The following CLEC16A variants were observed in gnomAD, a reference collection of about 807,000 sequenced individuals.
CLEC16A encodes the protein C-type lectin domain containing 16A.
A neutral mutation model predicts 109.5 loss-of-function variants in CLEC16A; 51 were observed. That is an observed-to-expected ratio of 0.47 (90% CI 0.37 to 0.59). The LOEUF is 0.59. Among genes scored for constraint, CLEC16A ranks in the 20% least tolerant of loss-of-function variants. CLEC16A has a pLI of 0.00. For missense variants in CLEC16A, 1,339 were observed against 1,394.0 expected (o/e 0.96, Z 0.63); for synonymous variants, 673 against 564.2 (o/e 1.19, Z -2.73).
At chr16:11,158,932 A>C (rs982061957) in intron 22 of CLEC16A, among the ~76,000 whole-genome samples, 10 of 152,090 alleles carry the variant, frequency 6.6e-5, no homozygotes, top group Non-Finnish European at 1.5e-4. Flanking sequence ...GGAAAAAAAA[A>C]AAACAGAGGC....
chr16:11,126,904 A>C (rs978635020), intron 22 of CLEC16A: 5 of 152,236 alleles, frequency 3.3e-5, no homozygotes, highest in African/African-American at 1.2e-4. Flanking sequence ...AAGTGTTGTG[A>C]AATGTTTTCA....
At position 10,946,640 on chromosome 16, in the gene CLEC16A, G is replaced by A. The variant is rs577517722; in HGVS notation, c.80+1843G>A. Among the ~76,000 whole-genome samples the A allele has an allele frequency of 2.8e-4, 42 of 152,192 alleles. No homozygotes were observed. In the South Asian group the frequency reaches 3.7e-3, roughly 14 times the overall value. ...TCCAGAGGAGGTTGGGCCTCCTGCC[G>A]GCATCCAGGTACCTCCAGGTTCTCA... On this transcript the variant is annotated intron_variant, in intron 1 of 23. Transcript: ENST00000409790.
chr16:11,035,240 T>TGGG (rs2046955828), intron 13 of CLEC16A, among the ~76,000 whole-genome samples: 1 of 152,210 alleles, frequency 6.6e-6, no homozygotes, highest in Admixed American at 6.5e-5. Flanking sequence ...TAGCATGTTT[T>TGGG]CTGTGTGGGT....
intron 22 of CLEC16A, among the ~76,000 whole-genome samples, chr16:11,160,126 T>G (rs1305186861): frequency 6.6e-6 from 1 of 152,136 alleles, no homozygotes; most frequent in African/African-American, 2.4e-5. Context: ...GATTTTTTTT[T>G]AAGCCTGAAA....
intron 21 of CLEC16A, among the ~76,000 whole-genome samples, chr16:11,125,225 T>C (rs776617561): frequency 6.6e-6 from 1 of 152,210 alleles, no homozygotes; most frequent in Non-Finnish European, 1.5e-5. Flanking sequence ...TACAAAATCA[T>C]TACTGAAGCA....
chr16:11,107,879 G>A (rs2051320258), intron 19 of CLEC16A, among the ~76,000 whole-genome samples: 1 of 152,186 alleles, frequency 6.6e-6, no homozygotes, highest in South Asian at 2.1e-4. Flanking sequence ...CTGTCCTCCT[G>A]GGCTGTTGAT....
rs1274484954 is a variant in CLEC16A at position 10,977,308 on chromosome 16, A to G, written c.812A>G (p.Asn271Ser). ...LHYLNDILII[N>S]CEFLNDVLTD... Reference sequence around the variant, plus strand: ...TATCTCAATGACATCCTGATCATCAACTGTGAGTTCCTCAACGATGTGCTC... The same window carrying G: ...TATCTCAATGACATCCTGATCATCAGCTGTGAGTTCCTCAACGATGTGCTC... Residue 271 changes from asparagine (N) to serine (S), a missense_variant, in exon 8 of 24, where the codon AAC becomes AGC. Coordinates refer to ENST00000409790, the MANE Select transcript of CLEC16A (RefSeq NM_015226.3). 3 of 1,613,992 alleles carry G rather than the reference A, an allele frequency of 1.9e-6. No individual in the cohort carries two copies. The highest frequency in any genetic ancestry group is 2.2e-5 in the East Asian group (1 of 44,872).
At chr16:10,962,285 C>G (rs1474800248) in intron 2 of CLEC16A, among the ~76,000 whole-genome samples, 170 bp from the exon 3 acceptor site, 3 of 152,122 alleles carry the variant, frequency 2.0e-5, no homozygotes, top group Non-Finnish European at 4.4e-5. Context: ...ATATCTTATT[C>G]CTTTGCTGGG....
intron 22 of CLEC16A, among the ~76,000 whole-genome samples, chr16:11,137,369 C>T (rs899934648): frequency 6.6e-5 from 10 of 151,898 alleles, no homozygotes; most frequent in Admixed American, 6.6e-4. Flanking sequence ...TTGATTTTTG[C>T]CTTAAAATCT....
intron 19 of CLEC16A, among the ~76,000 whole-genome samples, chr16:11,115,908 G>T (rs573491799): frequency 6.6e-6 from 1 of 150,930 alleles, no homozygotes; most frequent in Non-Finnish European, 1.5e-5. Flanking sequence ...TTAAAGACAA[G>T]GTCTCACTAT....
intron 19 of CLEC16A, among the ~76,000 whole-genome samples, chr16:11,085,754 G>A (rs1423196060): frequency 6.6e-6 from 1 of 152,202 alleles, no homozygotes; most frequent in Non-Finnish European, 1.5e-5. Flanking sequence ...ACCACACCCA[G>A]CTCATTTTTG....
chr16:11,110,737 G>T (rs999868109), intron 19 of CLEC16A, among the ~76,000 whole-genome samples: 2 of 152,100 alleles, frequency 1.3e-5, no homozygotes, highest in Non-Finnish European at 2.9e-5. Flanking sequence ...AGATACCCTG[G>T]GCAGTCCTGC....
intron 23 of CLEC16A, among the ~76,000 whole-genome samples, chr16:11,173,836 C>T (rs114111039): frequency 1.3e-5 from 2 of 152,174 alleles, no homozygotes; most frequent in Admixed American, 6.5e-5. Context: ...CCAGATGTTG[C>T]GGATGAACCC....
chr16:11,057,743 C>T (rs985956826), intron 18 of CLEC16A, among the ~76,000 whole-genome samples: 1 of 152,116 alleles, frequency 6.6e-6, no homozygotes, highest in Non-Finnish European at 1.5e-5. Context: ...CAAAGAAAAG[C>T]GCTCAATAAA....
intron 15 of CLEC16A, among the ~76,000 whole-genome samples, chr16:11,042,801 A>G (rs562301311): frequency 6.6e-6 from 1 of 151,862 alleles, no homozygotes; most frequent in East Asian, 1.9e-4. Flanking sequence ...TAGGAAGTAG[A>G]AAGGTAAAAG....
chr16:11,116,890 A>T (rs2052032401), intron 19 of CLEC16A, among the ~76,000 whole-genome samples: 2 of 152,322 alleles, frequency 1.3e-5, no homozygotes, highest in South Asian at 4.1e-4. Flanking sequence ...AATATACTAA[A>T]ACTCAGCACT....
intron 23 of CLEC16A, among the ~76,000 whole-genome samples, chr16:11,173,583 C>G (rs925703426): frequency 6.6e-6 from 1 of 152,146 alleles, no homozygotes; most frequent in African/African-American, 2.4e-5. Flanking sequence ...CCTCGAGCAT[C>G]TGAGCTTTCT....
At position 11,178,552 on chromosome 16, in the gene CLEC16A, C is replaced by G. The variant is rs1410318008; in HGVS notation, c.3024C>G (p.Thr1008=). Residue 1008 remains threonine, a synonymous_variant, in exon 24 of 24, where the codon ACC becomes ACG. Coordinates refer to ENST00000409790, the MANE Select transcript of CLEC16A (RefSeq NM_015226.3). The surrounding 1 kb of genome is among the most constrained non-coding windows in gnomAD (Gnocchi z 6.5). ...ACACGCTGAGCGTCGAATCGCTGAC[C>G]CTTGTCCCCCCAGTTGACCCCCACA... The part of the protein sequence containing the change: ...TADTLSVESL[T]LVPPVDPHSL... The G allele has an allele frequency of 3.7e-6, 6 of 1,612,622 alleles. No homozygotes were observed. Among genetic ancestry groups the G allele is most frequent in the African/African-American group, 1.3e-5 (1 of 75,048 alleles).
chr16:11,079,487 G>T (rs2049581479), intron 19 of CLEC16A, among the ~76,000 whole-genome samples: 1 of 152,194 alleles, frequency 6.6e-6, no homozygotes, highest in Admixed American at 6.5e-5. Context: ...TTTATACAAG[G>T]TTCAAGGTGA....
Sources: allele counts gnomAD v4.1 joint callset (sites outside exome capture counted in the v4.1 genomes callset), GRCh38; gene constraint gnomAD v4.1.1; non-coding constraint Gnocchi (gnomAD v3.1); transcripts MANE v1.5; gene names NCBI Gene and HGNC (gene_info 2026-07-23, HGNC 2026-07-21).